The following ARHGEF17 variants were observed in gnomAD, a reference collection of about 807,000 sequenced individuals.
ARHGEF17 encodes Rho guanine nucleotide exchange factor 17, also known as 164 kDa Rho-specific guanine-nucleotide exchange factor.
Under a neutral mutation model 174.0 loss-of-function variants are expected in ARHGEF17, and 80 were observed. The ratio of observed to expected loss-of-function variants is 0.46; its 90% CI spans 0.38 to 0.55. ARHGEF17 has a LOEUF of 0.55. Ranked by LOEUF, ARHGEF17 falls within the 20% of genes least tolerant of loss-of-function variation. The pLI is 0.00. For synonymous variants in ARHGEF17, 1,311 were observed against 1,189.1 expected (o/e 1.10, Z -2.11); for missense variants, 2,886 against 2,839.7 (o/e 1.02, Z -0.37).
chr11:73,323,119 A>G (rs951507633), intron 1 of ARHGEF17, among the ~76,000 whole-genome samples: 1 of 152,102 alleles, frequency 6.6e-6, no homozygotes, highest in African/African-American at 2.4e-5. Context: ...CCTCTGCTCC[A>G]GTGGAAGTGC....
chr11:73,322,978 A>G (rs1455096550), intron 1 of ARHGEF17, among the ~76,000 whole-genome samples: 1 of 152,172 alleles, frequency 6.6e-6, no homozygotes, highest in African/African-American at 2.4e-5. Context: ...TTCAGGGGTT[A>G]TATCAGAAAC....
At chr11:73,356,975 G>A (rs1771847978) in intron 7 of ARHGEF17, 50 bp from the exon 8 acceptor site, 3 of 1,592,372 alleles carry the variant, frequency 1.9e-6, no homozygotes, top group Non-Finnish European at 1.7e-6. Context: ...CAGGGGGGTG[G>A]GCTTCTGGAC....
chr11:73,340,757 C>T (rs1190943352), intron 1 of ARHGEF17, among the ~76,000 whole-genome samples: 1 of 152,238 alleles, frequency 6.6e-6, no homozygotes, highest in African/African-American at 2.4e-5. Flanking sequence ...CAGACCACCA[C>T]TCTGCATGTG....
chr11:73,347,160 G>A, intron 2 of ARHGEF17, 200 bp downstream of exon 2: 1 of 698,402 alleles, frequency 1.4e-6, no homozygotes, highest in Non-Finnish European at 2.6e-6. Flanking sequence ...AAGAGAGAAT[G>A]CAGAGGGGCC....
chr11:73,345,697 C>T (rs1206808053), intron 1 of ARHGEF17, among the ~76,000 whole-genome samples: 3 of 152,194 alleles, frequency 2.0e-5, no homozygotes, highest in Non-Finnish European at 2.9e-5. Context: ...AGCACTTGCT[C>T]GAACCAGTAA....
chr11:73,327,892 C>A (rs756443234), intron 1 of ARHGEF17, among the ~76,000 whole-genome samples: 4 of 152,024 alleles, frequency 2.6e-5, no homozygotes, highest in Non-Finnish European at 5.9e-5. Flanking sequence ...TGTGGATAGT[C>A]CTGGGTAATT....
At chr11:73,315,413 C>G (rs1864912030) in intron 1 of ARHGEF17, among the ~76,000 whole-genome samples, 1 of 152,204 alleles carries the variant, frequency 6.6e-6, no homozygotes, top group African/African-American at 2.4e-5. Context: ...CCTCCCTACC[C>G]AGCCAGCTCC....
chr11:73,359,948 A>C lies in ARHGEF17; in HGVS notation c.4202A>C (p.His1401Pro), dbSNP rs1454621908. 1.2e-6 allele frequency: 2 copies of C among 1,607,244 alleles called. No homozygotes were observed. The highest frequency in any genetic ancestry group is 1.7e-6 in the Non-Finnish European group (2 of 1,176,858). ...CTCTCTGAGAGCCTTGGTTTCCCCC[A>C]CCAGGTCTGTGCCCTCTGCCTGACA... ...SKLSESLGFPHQSLDDALRDL... is the reference protein window; with the variant it reads ...SKLSESLGFPPQSLDDALRDL... The change falls in exon 10 of 21, where the codon CAC (histidine) becomes CCC (proline). Residue 1401 changes from histidine to proline, a missense_variant. This residue lies in a region of ARHGEF17 where 476 missense variants were observed against 473.1 expected (regional missense o/e 1.01). Coordinates refer to ENST00000263674, the MANE Select transcript of ARHGEF17 (RefSeq NM_014786.4).
chr11:73,357,420 C>A, intron 9 of ARHGEF17, 93 bp downstream of exon 9: 1 of 1,233,270 alleles, frequency 8.1e-7, no homozygotes, highest in Non-Finnish European at 1.1e-6. Flanking sequence ...GCTGCCTGTC[C>A]AGCTGCTTTT....
rs60687321 is a variant in ARHGEF17, at chr11:73,366,096, T to C, written c.5995+149T>C. On this transcript the variant is annotated intron_variant, in intron 20 of 20. Coordinates refer to ENST00000263674, the MANE Select transcript of ARHGEF17 (RefSeq NM_014786.4). ...TGTGACAGGAAATACACCACGGAAG[T>C]GTCCAAATGAAATCTAGGATAGTTG... is the stretch of plus-strand genomic sequence containing the variant. 2.5e-4 allele frequency: 270 copies of C among 1,078,200 alleles called. 1 individual carries two copies. The African/African-American group carries it at 4.0e-3, about 16-fold the overall frequency. 66.8% of individuals were successfully genotyped at this position (1,078,200 alleles called of 1,614,324 possible).
Position 73,332,962 on chromosome 11 carries a change from G to C in ARHGEF17, c.3193-13921G>C, listed in dbSNP as rs868390477. Among the ~76,000 whole-genome samples, 6 of 152,276 alleles carry C rather than the reference G, an allele frequency of 3.9e-5. No homozygotes were observed. In the Middle Eastern group the frequency reaches 0.01, roughly 259 times the overall value. On this transcript the variant is annotated intron_variant, in intron 1 of 20. Transcript: ENST00000263674. ...TCCTGTCCTCAGGCCCAACGAGGTT[G>C]TGTAATTTGCTCACAGTCCCACAGC...
chr11:73,337,149 G>A (rs534453872), intron 1 of ARHGEF17, among the ~76,000 whole-genome samples: 169 of 152,354 alleles, frequency 1.1e-3, no homozygotes, highest in African/African-American at 3.8e-3. Flanking sequence ...ATGTGGGCCA[G>A]GCGCAGTGGC....
At chr11:73,356,614 G>C (rs1442535959) in intron 6 of ARHGEF17, 95 bp from the exon 7 acceptor site, 1 of 1,518,480 alleles carries the variant, frequency 6.6e-7, no homozygotes, top group Non-Finnish European at 9.0e-7. Flanking sequence ...CATTGGCCTA[G>C]CCCATGGAGT....
Position 73,309,415 on chromosome 11 carries a change from G to A in ARHGEF17, c.777G>A (p.Pro259=). The change falls in exon 1 of 21, where the codon CCG becomes CCA. Residue 259 remains proline, a synonymous_variant. Coordinates refer to ENST00000263674, the MANE Select transcript of ARHGEF17 (RefSeq NM_014786.4). ...GCGAGGAGGAAGAGGAGGGCCCGCC[G>A]CAGCTGCCTGGAGCCCAGAGTCCGG... The part of the protein sequence containing the change: ...SSSEEEEEGP[P]QLPGAQSPAY... 1 of 1,552,078 alleles carries A rather than the reference G, an allele frequency of 6.4e-7. No individual in the cohort carries two copies.
At chr11:73,350,198 CGAA>C (rs1214352476) in intron 2 of ARHGEF17, among the ~76,000 whole-genome samples, 2 of 152,122 alleles carry the variant, frequency 1.3e-5, no homozygotes, top group Non-Finnish European at 2.9e-5. Context: ...TACAAAGAAA[CGAA>C]GACTCACAGA....
Position 73,355,929 on chromosome 11 carries a change from C to A in ARHGEF17, c.3639C>A (p.Ile1213=). The change falls in exon 5 of 21, where the codon ATC becomes ATA. Residue 1213 remains isoleucine (I), a synonymous_variant. Transcript: ENST00000263674. ...SDLMIKPVQR[I]PRYELLVKDL... ...TCATGATCAAGCCTGTGCAGCGGAT[C>A]CCACGCTACGAGCTTCTGGTGAAGG... The A allele has an allele frequency of 6.2e-7, 1 of 1,614,182 alleles. No homozygotes were observed. Among genetic ancestry groups the A allele is most frequent in the Non-Finnish European group, 8.5e-7 (1 of 1,180,034 alleles).
At chr11:73,323,427 G>A (rs1865047337) in intron 1 of ARHGEF17, among the ~76,000 whole-genome samples, 1 of 152,228 alleles carries the variant, frequency 6.6e-6, no homozygotes. Context: ...GGTGGGTCCT[G>A]TAGTCAGAGA....
intron 13 of ARHGEF17, 44 bp from the exon 14 acceptor site, chr11:73,362,389 G>C: frequency 3.4e-6 from 5 of 1,487,050 alleles, no homozygotes; most frequent in Non-Finnish European, 3.6e-6. Context: ...CCGGGGCCCC[G>C]TCTGGCTCGT....
At chr11:73,347,328 C>T in intron 2 of ARHGEF17, 1 of 335,788 alleles carries the variant, frequency 3.0e-6, no homozygotes, top group African/African-American at 2.2e-5. Context: ...GTATTGAGCA[C>T]CTGCTGTGTG....
Sources: allele counts gnomAD v4.1 joint callset (sites outside exome capture counted in the v4.1 genomes callset), GRCh38; gene constraint gnomAD v4.1.1; regional missense constraint gnomAD v4.1.1; transcripts MANE v1.5; gene names NCBI Gene and HGNC (gene_info 2026-07-23, HGNC 2026-07-21).